Variants in CASTOR2 observed in about 807,000 individuals in gnomAD.
The protein encoded by CASTOR2 is cytosolic arginine sensor for mTORC1 subunit 2, also known as GATS protein like 2.
CASTOR2 carries 8 observed loss-of-function variants against 31.2 expected under a neutral mutation model. The ratio of observed to expected loss-of-function variants is 0.26; its 90% CI spans 0.15 to 0.46. The LOEUF is 0.46. Ranked by LOEUF, CASTOR2 falls within the 20% of genes least tolerant of loss-of-function variation. CASTOR2 has a pLI of 0.99. For synonymous variants in CASTOR2, 162 were observed against 158.7 expected (o/e 1.02, Z -0.16); for missense variants, 216 against 382.1 (o/e 0.57, Z 3.62).
At chr7:75,007,724 T>C (rs1341678886) in intron 1 of CASTOR2, among the ~76,000 whole-genome samples, 1 of 152,052 alleles carries the variant, frequency 6.6e-6, no homozygotes, top group Non-Finnish European at 1.5e-5. Context: ...CCCTCAGGCC[T>C]GGACACAGTC....
intron 5 of CASTOR2, 34 bp from the exon 6 acceptor site, chr7:75,019,999 CACAGGG>C (rs1342355793): frequency 1.3e-6 from 2 of 1,544,106 alleles, no homozygotes; most frequent in African/African-American, 2.7e-5. Flanking sequence ...GGGCAGGGGC[CACAGGG>C]GCCCCATCTT....
At chr7:74,995,347 A>G (rs1240661389) in intron 1 of CASTOR2, among the ~76,000 whole-genome samples, 1 of 151,842 alleles carries the variant, frequency 6.6e-6, no homozygotes, top group Non-Finnish European at 1.5e-5. Flanking sequence ...TCCTGAGGCC[A>G]GAGAGAAGGG....
At chr7:75,008,418 A>T (rs1804652549) in intron 2 of CASTOR2, among the ~76,000 whole-genome samples, 1 of 152,194 alleles carries the variant, frequency 6.6e-6, no homozygotes, top group African/African-American at 2.4e-5. Flanking sequence ...AGTGCTTTAG[A>T]ACATCTTCAG....
chr7:75,008,550 A>G (rs1466298314), intron 2 of CASTOR2, among the ~76,000 whole-genome samples: 3 of 151,922 alleles, frequency 2.0e-5, no homozygotes, highest in African/African-American at 7.3e-5. Context: ...CTTTAAATTA[A>G]CTGGACATGA....
intron 1 of CASTOR2, among the ~76,000 whole-genome samples, chr7:75,007,310 A>G (rs1208222766): frequency 6.6e-6 from 1 of 152,148 alleles, no homozygotes; most frequent in East Asian, 1.9e-4. Context: ...GACCGAGGCC[A>G]GCAGGGTCAG....
intron 1 of CASTOR2, among the ~76,000 whole-genome samples, chr7:74,989,569 T>G (rs1804155165): frequency 7.2e-6 from 1 of 139,426 alleles, no homozygotes; most frequent in Non-Finnish European, 1.6e-5. Flanking sequence ...CTAACCACTG[T>G]GTCCGCCTAT....
intron 1 of CASTOR2, among the ~76,000 whole-genome samples, chr7:75,003,194 C>A (rs1804534855): frequency 6.6e-6 from 1 of 152,202 alleles, no homozygotes; most frequent in African/African-American, 2.4e-5. Context: ...CTCCTATAAT[C>A]CGAGCACTTT....
intron 5 of CASTOR2, 78 bp downstream of exon 5, chr7:75,019,173 C>A (rs1486046565): frequency 1.9e-6 from 3 of 1,549,176 alleles, no homozygotes; most frequent in South Asian, 2.4e-5. Flanking sequence ...CTTAGTCTGA[C>A]GGGGGAGGCT....
chr7:74,997,553 G>GTAGC (rs1295847454), intron 1 of CASTOR2, among the ~76,000 whole-genome samples: 1 of 151,656 alleles, frequency 6.6e-6, no homozygotes, highest in Non-Finnish European at 1.5e-5. Flanking sequence ...AGCCCCCCAA[G>GTAGC]TAGCTAGGAT....
intron 1 of CASTOR2, among the ~76,000 whole-genome samples, chr7:75,006,177 A>G (rs1804601513): frequency 6.6e-6 from 1 of 152,146 alleles, no homozygotes; most frequent in African/African-American, 2.4e-5. Flanking sequence ...CCAGCTACTC[A>G]GGAGACTGAG....
In CASTOR2 at chr7:75,024,829, C is replaced by G. The variant is rs1237405554; in HGVS notation, c.*130C>G. 4 of 1,547,064 alleles carry G rather than the reference C, an allele frequency of 2.6e-6. No homozygotes were observed. The East Asian group carries it at 9.8e-5, about 38-fold the overall frequency. ...CTGAGGAAGGGGCCTCTGTGGGAGA[C>G]TCCCTCGATTGCCAATCCCTCCAGG... On this transcript the variant is annotated 3_prime_UTR_variant, in exon 9 of 9. Coordinates refer to ENST00000616305, the MANE Select transcript of CASTOR2 (RefSeq NM_001145064.3).
Position 75,008,033 on chromosome 7 carries a change from C to T in CASTOR2, c.153C>T (p.Tyr51=). Residue 51 remains tyrosine, a synonymous_variant, in exon 2 of 9, where the codon TAC becomes TAT. Transcript: ENST00000616305. ...FFSLTETPED[Y]TIIVDEEGFL... Reference sequence around the variant, plus strand: ...GTCTGACTGAGACGCCAGAGGATTACACTATCATTGTCGATGAGGAAGGAT... The same window carrying T: ...GTCTGACTGAGACGCCAGAGGATTATACTATCATTGTCGATGAGGAAGGAT... The T allele has an allele frequency of 3.7e-6, 6 of 1,613,924 alleles. No homozygotes were observed. Among genetic ancestry groups the T allele is most frequent in the South Asian group, 1.1e-5 (1 of 91,072 alleles).
In CASTOR2 at chr7:74,996,641, TGTC is replaced by T. The variant is rs1322423945; in HGVS notation, c.114-11350_114-11348del. On this transcript the variant is annotated intron_variant, in intron 1 of 8. Transcript: ENST00000616305. ...TTATGTCAGGGAAAGACCAGGGAAG[TGTC>T]GTGCCATTAACCAAAACCAGAAATG... Among the ~76,000 whole-genome samples the T allele has an allele frequency of 6.6e-3, 993 of 149,388 alleles. 6 individuals are homozygous for T. The highest frequency in any genetic ancestry group is 0.011 in the Non-Finnish European group (760 of 67,746).
At position 75,027,447 on chromosome 7, in the gene CASTOR2, ATGGGC is replaced by A. The variant is rs1469444915; in HGVS notation, c.*2749_*2753del. On this transcript the variant is annotated 3_prime_UTR_variant, in exon 9 of 9. Transcript: ENST00000616305. ...CACCCTGAAGACCTGGGCCTGCTGA[ATGGGC>A]CACACGCTGCCTGTGTCCTGCCTCC... 6.5e-6 allele frequency: 1 copy of A among 154,318 alleles called. No homozygotes were observed. Among genetic ancestry groups the A allele is most frequent in the East Asian group, 1.9e-4 (1 of 5,194 alleles). The allele number at this position is 154,318 out of a possible 1,614,324, so 9.6% of individuals were successfully genotyped here. A position where few individuals can be genotyped will look rare whatever the true frequency, so the allele number is the denominator to read the frequency against.
rs1158456043 is a variant in CASTOR2, at chr7:74,999,601, CTTTTTTTTTTTTTTT to C, written c.114-8372_114-8358del. ...CCCGAAACACTTCTATCACTCACTG[CTTTTTTTTTTTTTTT>C]TTTTTTTTTTTTTTTTTTTTGAGAC... On this transcript the variant is annotated intron_variant, in intron 1 of 8. Transcript: ENST00000616305. 1.7e-3 allele frequency among the ~76,000 whole-genome samples: 76 copies of C among 45,776 alleles called. 2 individuals are homozygous for C. The highest frequency in any genetic ancestry group is 0.013 in the Middle Eastern group (1 of 80). 30.0% of individuals were successfully genotyped at this position (45,776 alleles called of 152,430 possible). A position where few individuals can be genotyped will look rare whatever the true frequency, so the allele number is the denominator to read the frequency against.
intron 1 of CASTOR2, among the ~76,000 whole-genome samples, chr7:74,978,024 T>G (rs1554435946): frequency 2.7e-5 from 4 of 149,926 alleles, no homozygotes; most frequent in Non-Finnish European, 1.5e-5. Context: ...AGGCTTGCCC[T>G]CACCATAACA....
rs1339106048 is a variant in CASTOR2, at chr7:75,003,984, C to G, written c.114-4010C>G. ...CCATTTACACACAGGCCGCTGTTGCCTTCTGCTGGTGTTTATGCCCTCCGG... is the reference window on the plus strand; with the variant it reads ...CCATTTACACACAGGCCGCTGTTGCGTTCTGCTGGTGTTTATGCCCTCCGG... On this transcript the variant is annotated intron_variant, in intron 1 of 8. Coordinates refer to ENST00000616305, the MANE Select transcript of CASTOR2 (RefSeq NM_001145064.3). Among the ~76,000 whole-genome samples, 231 of 152,306 alleles carry G rather than the reference C, an allele frequency of 1.5e-3. 1 individual carries two copies. Among genetic ancestry groups the G allele is most frequent in the African/African-American group, 3.6e-3 (149 of 41,572 alleles).
chr7:75,015,979 A>G (rs1403720098), intron 2 of CASTOR2, among the ~76,000 whole-genome samples: 5 of 152,108 alleles, frequency 3.3e-5, no homozygotes, highest in African/African-American at 1.2e-4. Context: ...AGGCAGGAGA[A>G]TTGCTTGAAC....
At position 75,024,791 on chromosome 7, in the gene CASTOR2, C is replaced by G; in HGVS notation, c.*92C>G. The G allele has an allele frequency of 1.9e-6, 3 of 1,550,608 alleles. No homozygotes were observed. Among genetic ancestry groups the G allele is most frequent in the Non-Finnish European group, 2.6e-6 (3 of 1,146,784 alleles). On this transcript the variant is annotated 3_prime_UTR_variant, in exon 9 of 9. Transcript: ENST00000616305. ...AGTATTTCTCTACAGACTGGAAAAT[C>G]AGCCTGGGGACCCTGAGGAAGGGGC...
Sources: gnomAD v4.1 joint callset for allele counts (sites outside exome capture counted in the v4.1 genomes callset) on GRCh38, gnomAD v4.1.1 for gene constraint, MANE v1.5 for transcripts, NCBI Gene and HGNC (gene_info 2026-07-23, HGNC 2026-07-21) for gene names.